PDE10A: variants seen among roughly 807,000 people sequenced by gnomAD.
PDE10A encodes the protein cAMP and cAMP-inhibited cGMP 3',5'-cyclic phosphodiesterase 10A.
Under a neutral mutation model 97.7 loss-of-function variants are expected in PDE10A, and 39 were observed. The ratio of observed to expected loss-of-function variants is 0.40; its 90% CI spans 0.31 to 0.52. The LOEUF (loss-of-function observed/expected upper bound fraction) is 0.52. Ranked by LOEUF, PDE10A falls within the 20% of genes least tolerant of loss-of-function variation. The pLI, the probability that PDE10A is intolerant of heterozygous loss-of-function variation, is 0.56. For synonymous variants in PDE10A, 371 were observed against 376.8 expected (o/e 0.98, Z 0.18); for missense variants, 731 against 1,047.8 (o/e 0.70, Z 4.17).
rs144817044 is a variant in PDE10A at position 165,695,050 on chromosome 6, C to T, written c.-614-151482G>A. On this transcript the variant is annotated intron_variant, in intron 1 of 19. Coordinates refer to the PDE10A transcript ENST00000366882. ...CCACATTTCTCTAACACATTTCCCC[C>T]GGAAGTAAACAATTTTCTATATAGA... Among the ~76,000 whole-genome samples, 56 of 152,192 alleles carry T rather than the reference C, an allele frequency of 3.7e-4. No individual in the cohort carries two copies. The East Asian group carries it at 7.3e-3, about 20-fold the overall frequency.
intron 1 of PDE10A, among the ~76,000 whole-genome samples, chr6:165,571,136 C>T (rs1199596747): frequency 6.6e-6 from 1 of 152,186 alleles, no homozygotes; most frequent in East Asian, 1.9e-4. Flanking sequence ...TTCATTACTT[C>T]TAGTAATTTC....
intron 1 of PDE10A, among the ~76,000 whole-genome samples, chr6:165,601,621 C>A (rs1435446303): frequency 1.3e-5 from 2 of 152,140 alleles, no homozygotes; most frequent in Admixed American, 6.6e-5. Context: ...GATGCCACAG[C>A]CCCCTGAAGT....
At chr6:165,847,253 T>G (rs930500141) in intron 1 of PDE10A, among the ~76,000 whole-genome samples, 4 of 152,158 alleles carry the variant, frequency 2.6e-5, no homozygotes, top group African/African-American at 9.7e-5. Flanking sequence ...ACCGGGAGCT[T>G]GGCAGAGCTC....
chr6:165,344,821 C>T (rs1418322969), intron 18 of PDE10A, among the ~76,000 whole-genome samples: 1 of 152,190 alleles, frequency 6.6e-6, no homozygotes, highest in Non-Finnish European at 1.5e-5. Flanking sequence ...AGGTCTCTTA[C>T]AGGTTAGACT....
intron 1 of PDE10A, among the ~76,000 whole-genome samples, chr6:165,799,940 C>T (rs1477612193): frequency 6.6e-6 from 1 of 152,190 alleles, no homozygotes; most frequent in African/African-American, 2.4e-5. Flanking sequence ...GGGCCTGCAG[C>T]TCCCCTGGGA....
intron 2 of PDE10A, among the ~76,000 whole-genome samples, chr6:165,501,935 CATA>C (rs1426639627): frequency 6.6e-6 from 1 of 152,110 alleles, no homozygotes; most frequent in Non-Finnish European, 1.5e-5. Flanking sequence ...GTGGTACTGA[CATA>C]ATGAGAGACA....
intron 1 of PDE10A, among the ~76,000 whole-genome samples, chr6:165,880,819 T>C (rs1039057387): frequency 6.6e-6 from 1 of 152,244 alleles, no homozygotes; most frequent in Non-Finnish European, 1.5e-5. Context: ...AAGTGATTTA[T>C]CAAACCTTCT....
intron 13 of PDE10A, among the ~76,000 whole-genome samples, chr6:165,396,941 A>C (rs183073782): frequency 6.6e-6 from 1 of 152,132 alleles, no homozygotes; most frequent in Admixed American, 6.5e-5. Flanking sequence ...TCTGGTTTTT[A>C]GTCTTGACTG....
chr6:165,912,264 C>T (rs565298823), intron 1 of PDE10A, among the ~76,000 whole-genome samples: 32 of 152,084 alleles, frequency 2.1e-4, no homozygotes, highest in Non-Finnish European at 3.5e-4. Context: ...TACATATATA[C>T]ACACACAGGC....
At chr6:165,830,348 C>T (rs1779875611) in intron 1 of PDE10A, among the ~76,000 whole-genome samples, 1 of 152,200 alleles carries the variant, frequency 6.6e-6, no homozygotes, top group Non-Finnish European at 1.5e-5. Context: ...GAGAAACAAG[C>T]CAAACAGTGA....
At chr6:165,647,393 G>A (rs896813504) in intron 1 of PDE10A, among the ~76,000 whole-genome samples, 4 of 152,196 alleles carry the variant, frequency 2.6e-5, no homozygotes, top group Admixed American at 2.0e-4. Context: ...GAGTGAAGGC[G>A]AAACGCTCAG....
chr6:165,563,789 G>A (rs186974234), intron 1 of PDE10A, among the ~76,000 whole-genome samples: 1 of 151,968 alleles, frequency 6.6e-6, no homozygotes, highest in African/African-American at 2.4e-5. Flanking sequence ...TACTTGGGAG[G>A]CTGGGACACA....
At chr6:165,776,433 C>T (rs1778185799) in intron 1 of PDE10A, among the ~76,000 whole-genome samples, 1 of 152,192 alleles carries the variant, frequency 6.6e-6, no homozygotes, top group African/African-American at 2.4e-5. Context: ...CAAAGCACTG[C>T]AGTAAAAGAA....
At chr6:165,402,702 G>C (rs1392099882) in intron 13 of PDE10A, among the ~76,000 whole-genome samples, 1 of 152,024 alleles carries the variant, frequency 6.6e-6, no homozygotes, top group Non-Finnish European at 1.5e-5. Context: ...AAAACAAAAC[G>C]ATAAAGACAA....
intron 1 of PDE10A, among the ~76,000 whole-genome samples, chr6:165,806,953 G>A (rs546251881): frequency 6.6e-6 from 1 of 152,332 alleles, no homozygotes; most frequent in East Asian, 1.9e-4. Context: ...GAGCACATCT[G>A]TGTGGTGCCA....
rs1180452703 is a variant in PDE10A at position 165,955,038 on chromosome 6, C to T, written c.-615+32491G>A. Among the ~76,000 whole-genome samples, 3 of 152,136 alleles carry T rather than the reference C, an allele frequency of 2.0e-5. No individual in the cohort carries two copies. In the East Asian group the frequency reaches 5.8e-4, roughly 29 times the overall value. ...GATCTCCTCGCTGCCCAGGTTGGGA[C>T]CTGGCCATTAAGGACTTTGAGAATG... On this transcript the variant is annotated intron_variant, in intron 1 of 19. Coordinates refer to the PDE10A transcript ENST00000366882.
chr6:165,657,699 T>C (rs1006596833), intron 1 of PDE10A, among the ~76,000 whole-genome samples: 1 of 152,244 alleles, frequency 6.6e-6, no homozygotes, highest in Admixed American at 6.5e-5. Flanking sequence ...CTGCTTCTCA[T>C]TTGAATTTTC....
intron 3 of PDE10A, among the ~76,000 whole-genome samples, chr6:165,481,249 G>C (rs1302604776): frequency 6.6e-6 from 1 of 152,016 alleles, no homozygotes; most frequent in Non-Finnish European, 1.5e-5. Flanking sequence ...GTCACTTCCT[G>C]GTACCTTTTA....
chr6:165,605,228 C>T (rs766688865), intron 1 of PDE10A, among the ~76,000 whole-genome samples: 25 of 152,244 alleles, frequency 1.6e-4, no homozygotes, highest in Non-Finnish European at 2.4e-4. Flanking sequence ...GACATTGCTT[C>T]CGTGTTTCCA....
Sources: gnomAD v4.1 joint callset for allele counts (sites outside exome capture counted in the v4.1 genomes callset) on GRCh38, gnomAD v4.1.1 for gene constraint, MANE v1.5 for transcripts, NCBI Gene and HGNC (gene_info 2026-07-23, HGNC 2026-07-21) for gene names.